Variants in DMD observed in about 807,000 individuals in gnomAD.
DMD encodes the protein dystrophin.
A neutral mutation model predicts 330.1 loss-of-function variants in DMD; 63 were observed. The observed-to-expected ratio is 0.19, with a 90% CI of 0.16 to 0.24. The LOEUF (loss-of-function observed/expected upper bound fraction) is 0.24, where lower values mean the gene tolerates loss of function less well. Ranked by LOEUF, DMD falls within the 10% of genes least tolerant of loss-of-function variation. The pLI is 1.00. For missense variants in DMD, 3,344 were observed against 2,684.1 expected (o/e 1.25, Z -5.43); for synonymous variants, 1,223 against 959.8 (o/e 1.27, Z -5.07).
At chrX:31,940,133 A>G (rs2094975249) in intron 45 of DMD, among the ~76,000 whole-genome samples, 1 of 111,783 alleles carries the variant, frequency 8.9e-6, no homozygotes, top group Admixed American at 9.5e-5. Context: ...ATAGATTGTG[A>G]TACAGTAAGT....
intron 17 of DMD, among the ~76,000 whole-genome samples, chrX:32,529,955 T>A (rs1283084385): frequency 1.8e-5 from 2 of 111,218 alleles, no homozygotes; most frequent in Non-Finnish European, 3.8e-5. Flanking sequence ...TATGTGTAAT[T>A]TTAAGCACAT....
chrX:32,599,060 T>G (rs2055888647), intron 12 of DMD, among the ~76,000 whole-genome samples: 1 of 112,109 alleles, frequency 8.9e-6, no homozygotes, highest in African/African-American at 3.2e-5. Flanking sequence ...TCTCAGCTAA[T>G]TAGGAATTAA....
chrX:32,429,076 T>C (rs1427961836), intron 29 of DMD, among the ~76,000 whole-genome samples: 2 of 111,462 alleles, frequency 1.8e-5, no homozygotes, highest in Non-Finnish European at 3.8e-5. Context: ...TGTGTCTTTA[T>C]GTATTTCTTA....
At chrX:32,823,693 G>A (rs1160588802) in intron 4 of DMD, among the ~76,000 whole-genome samples, 2 of 111,609 alleles carry the variant, frequency 1.8e-5, no homozygotes, top group Non-Finnish European at 3.8e-5. Context: ...ATGCTTTCTA[G>A]TATGGAATTA....
At chrX:31,834,208 C>T (rs2093138961) in intron 49 of DMD, among the ~76,000 whole-genome samples, 1 of 111,298 alleles carries the variant, frequency 9.0e-6, no homozygotes, top group African/African-American at 3.3e-5. Context: ...ATTTTTGATC[C>T]ATGCAGAGAT....
rs776309715 is a variant in DMD at position 32,779,666 on chromosome X, G to T, written c.649+29827C>A. Among the ~76,000 whole-genome samples, 8 of 87,880 alleles carry T rather than the reference G, an allele frequency of 9.1e-5. No individual in the cohort carries two copies. The South Asian group carries it at 2.0e-3, about 22-fold the overall frequency. The allele number at this position is 87,880 out of a possible 115,157, so 76.3% of individuals were successfully genotyped here. ...TCATCCATGTCCCTACAAAGGACAT[G>T]AACTCATCCTTTTTTATGGCTGCAT... On this transcript the variant is annotated intron_variant, in intron 7 of 78. Transcript: ENST00000357033.
intron 42 of DMD, among the ~76,000 whole-genome samples, chrX:32,301,805 C>A (rs770204111): frequency 6.9e-4 from 76 of 110,866 alleles, no homozygotes; most frequent in Non-Finnish European, 1.4e-3. Context: ...ACAATTAGAA[C>A]AATGGGTTTT....
chrX:31,237,038 T>C, intron 63 of DMD, among the ~76,000 whole-genome samples: 1 of 112,002 alleles, frequency 8.9e-6, no homozygotes, highest in Admixed American at 9.4e-5. Flanking sequence ...ATAATCATCA[T>C]GAATAAAATG....
chrX:33,245,256 A>C (rs2052647194), intron 1 of DMD, among the ~76,000 whole-genome samples: 1 of 100,931 alleles, frequency 9.9e-6, no homozygotes, highest in Admixed American at 1.1e-4. Flanking sequence ...AGTAACTGTT[A>C]ATGGCTATTT....
intron 2 of DMD, among the ~76,000 whole-genome samples, chrX:33,009,046 A>G (rs1415798656): frequency 1.0e-4 from 10 of 95,686 alleles, no homozygotes; most frequent in African/African-American, 3.8e-4. Context: ...GTATATATGT[A>G]TATGTGTCTA....
intron 7 of DMD, among the ~76,000 whole-genome samples, chrX:32,710,779 C>T (rs1217177426): frequency 9.0e-6 from 1 of 111,159 alleles, no homozygotes; most frequent in Non-Finnish European, 1.9e-5. Flanking sequence ...TAAGCGTCTG[C>T]ATACCTGGGG....
chrX:31,244,199 C>G (rs1246900727), intron 63 of DMD, among the ~76,000 whole-genome samples: 1 of 112,095 alleles, frequency 8.9e-6, no homozygotes, highest in Non-Finnish European at 1.9e-5. Context: ...CAAAGTTGTT[C>G]CTGTAATTCG....
chrX:33,216,456 G>T (rs1264729925), upstream of DMD, among the ~76,000 whole-genome samples: 1 of 111,087 alleles, frequency 9.0e-6, no homozygotes, highest in Non-Finnish European at 1.9e-5. Flanking sequence ...AGGGGGAATG[G>T]AGGGAAGCGG....
chrX:32,568,165 C>T (rs1196816977), intron 15 of DMD, among the ~76,000 whole-genome samples: 2 of 111,731 alleles, frequency 1.8e-5, no homozygotes, highest in East Asian at 2.8e-4. Context: ...TATTATTAAG[C>T]CACATGAAGA....
chrX:33,003,509 TATATA>T (rs1003091982), intron 2 of DMD, among the ~76,000 whole-genome samples: 6 of 111,967 alleles, frequency 5.4e-5, no homozygotes, highest in Admixed American at 4.8e-4. Context: ...AAATAGAAAA[TATATA>T]ATATACAGTA....
intron 1 of DMD, among the ~76,000 whole-genome samples, chrX:33,331,978 C>T (rs183393969): frequency 1.8e-5 from 2 of 111,132 alleles, no homozygotes; most frequent in Non-Finnish European, 3.8e-5. Flanking sequence ...TTTTATATTG[C>T]AATTAGTATC....
chrX:32,331,303 A>G (rs1374111727), intron 41 of DMD, among the ~76,000 whole-genome samples: 3 of 111,658 alleles, frequency 2.7e-5, no homozygotes, highest in Non-Finnish European at 5.7e-5. Context: ...CAAATGTAAT[A>G]ATTTTTCAAG....
At chrX:31,604,620 T>G (rs770832338) in intron 55 of DMD, among the ~76,000 whole-genome samples, 17 of 112,305 alleles carry the variant, frequency 1.5e-4, no homozygotes, top group African/African-American at 5.5e-4. Flanking sequence ...CAAACAGGTA[T>G]ATGAATTTAG....
intron 17 of DMD, among the ~76,000 whole-genome samples, chrX:32,526,326 G>A (rs996341876): frequency 1.8e-5 from 2 of 111,784 alleles, no homozygotes; most frequent in Non-Finnish European, 3.8e-5. Context: ...GGTTAGCAGT[G>A]AAGCGACAAT....
Sources: gnomAD v4.1 joint callset for allele counts (sites outside exome capture counted in the v4.1 genomes callset) on GRCh38, gnomAD v4.1.1 for gene constraint, MANE v1.5 for transcripts, NCBI Gene and HGNC (gene_info 2026-07-23, HGNC 2026-07-21) for gene names.